DCC: variants seen among roughly 807,000 people sequenced by gnomAD.
DCC encodes DCC netrin 1 receptor.
Under a neutral mutation model 172.5 loss-of-function variants are expected in DCC, and 58 were observed. The observed-to-expected ratio is 0.34, with a 90% CI of 0.27 to 0.42. The LOEUF (loss-of-function observed/expected upper bound fraction) is 0.42. DCC is among the 10% of genes least tolerant of loss of function. DCC has a pLI of 1.00. For synonymous variants in DCC, 709 were observed against 644.5 expected, an observed-to-expected ratio of 1.10 and a Z score of -1.52; for missense variants, 1,740 against 1,791.0, an observed-to-expected ratio of 0.97 and a Z score of 0.51.
At chr18:53,303,415 A>G (rs1640897903) in intron 12 of DCC, among the ~76,000 whole-genome samples, 1 of 152,066 alleles carries the variant, frequency 6.6e-6, no homozygotes, top group South Asian at 2.1e-4. Flanking sequence ...CTTCTTATGT[A>G]TTACTTTTTC....
chr18:52,793,662 A>C (rs751534233), intron 2 of DCC, among the ~76,000 whole-genome samples: 12 of 152,032 alleles, frequency 7.9e-5, no homozygotes, highest in Non-Finnish European at 1.5e-4. Flanking sequence ...TCATGTATCT[A>C]TTTTGGTTTT....
chr18:53,098,674 C>A (rs896750381), intron 7 of DCC, among the ~76,000 whole-genome samples: 6 of 152,098 alleles, frequency 3.9e-5, no homozygotes, highest in African/African-American at 1.4e-4. Flanking sequence ...ATGGTTACTG[C>A]CAGATTTCCC....
chr18:52,807,664 A>AAT (rs1392131788), intron 2 of DCC, among the ~76,000 whole-genome samples: 1 of 125,310 alleles, frequency 8.0e-6, no homozygotes. Context: ...GTCTAAAATA[A>AAT]ATCAATTCCA....
At chr18:53,169,388 CTT>C (rs1598869866) in intron 8 of DCC, among the ~76,000 whole-genome samples, 1 of 152,148 alleles carries the variant, frequency 6.6e-6, no homozygotes, top group African/African-American at 2.4e-5. Context: ...TGTCTACAGA[CTT>C]TTTAGCATGA....
chr18:52,633,115 C>T (rs1007227853), intron 1 of DCC, among the ~76,000 whole-genome samples: 25 of 74,120 alleles, frequency 3.4e-4, no homozygotes, highest in African/African-American at 8.6e-4. Context: ...TCTCTTTCTT[C>T]CTTTCCTTTC....
At chr18:53,395,035 A>C (rs1274048833) in intron 17 of DCC, among the ~76,000 whole-genome samples, 1 of 151,984 alleles carries the variant, frequency 6.6e-6, no homozygotes, top group African/African-American at 2.4e-5. Context: ...CTGTAATCCC[A>C]GCTACTTGGG....
intron 12 of DCC, among the ~76,000 whole-genome samples, chr18:53,301,728 A>T (rs2057144225): frequency 6.6e-6 from 1 of 151,762 alleles, no homozygotes; most frequent in Non-Finnish European, 1.5e-5. Flanking sequence ...GTTTATTTTT[A>T]TGTCAGGATT....
intron 1 of DCC, among the ~76,000 whole-genome samples, chr18:52,570,585 G>C (rs2033270233): frequency 6.6e-6 from 1 of 152,154 alleles, no homozygotes; most frequent in South Asian, 2.1e-4. Context: ...AATATCAAAA[G>C]TGAAAACAAA....
chr18:52,527,287 T>C (rs2032011968), intron 1 of DCC, among the ~76,000 whole-genome samples: 1 of 152,240 alleles, frequency 6.6e-6, no homozygotes, highest in African/African-American at 2.4e-5. Flanking sequence ...CTACAGGCAA[T>C]GTGATTAGAA....
chr18:53,074,016 A>G (rs1468140807), intron 7 of DCC, among the ~76,000 whole-genome samples: 1 of 152,122 alleles, frequency 6.6e-6, no homozygotes. Context: ...TAATTAGTTC[A>G]ATTATTAAGA....
intron 14 of DCC, among the ~76,000 whole-genome samples, chr18:53,336,842 A>G (rs10469022): frequency 0.15 from 22,832 of 152,210 alleles, 2,302 homozygotes; most frequent in African/African-American, 0.29. Flanking sequence ...CACCACTGCA[A>G]TCCAGCCTGG....
intron 12 of DCC, among the ~76,000 whole-genome samples, chr18:53,236,673 C>T (rs967128049): frequency 6.6e-6 from 1 of 151,856 alleles, no homozygotes; most frequent in Non-Finnish European, 1.5e-5. Context: ...TTTGTTTACC[C>T]CAAGGTATAA....
chr18:52,536,214 T>C (rs1304980184), intron 1 of DCC, among the ~76,000 whole-genome samples: 2 of 151,978 alleles, frequency 1.3e-5, no homozygotes, highest in African/African-American at 4.8e-5. Flanking sequence ...CGGAGCCAGA[T>C]TGTAAAAGGT....
chr18:53,112,156 T>C (rs1327148616), intron 7 of DCC, among the ~76,000 whole-genome samples: 1 of 151,442 alleles, frequency 6.6e-6, no homozygotes, highest in African/African-American at 2.4e-5. Context: ...ATTTAGGAGA[T>C]GTTATACCAA....
intron 7 of DCC, among the ~76,000 whole-genome samples, chr18:53,122,738 T>A (rs554674329): frequency 1.3e-5 from 2 of 152,156 alleles, no homozygotes; most frequent in African/African-American, 4.8e-5. Context: ...GGAATTAACA[T>A]GATGGTTATT....
chr18:52,740,121 G>T (rs2145111795), intron 1 of DCC, among the ~76,000 whole-genome samples: 1 of 152,272 alleles, frequency 6.6e-6, no homozygotes, highest in Non-Finnish European at 1.5e-5. Context: ...ATTAGACCAT[G>T]AATAAGTTGC....
chr18:53,356,201 T>G (rs1232634419), intron 15 of DCC, among the ~76,000 whole-genome samples: 2 of 152,092 alleles, frequency 1.3e-5, no homozygotes, highest in African/African-American at 4.8e-5. Context: ...ATTTCCAGTG[T>G]GAGCTATGCA....
chr18:53,428,319 A>ATAGT (rs1568125740), intron 21 of DCC, among the ~76,000 whole-genome samples: 2 of 16,688 alleles, frequency 1.2e-4, no homozygotes, highest in African/African-American at 2.5e-4. Flanking sequence ...TATAATATAT[A>ATAGT]ATATAATATA....
intron 2 of DCC, among the ~76,000 whole-genome samples, chr18:52,815,823 G>C (rs2038286681): frequency 6.6e-6 from 1 of 152,118 alleles, no homozygotes; most frequent in Non-Finnish European, 1.5e-5. Context: ...TCTTGCAAAA[G>C]ACATCGACAA....
Sources: gnomAD v4.1 joint callset for allele counts (sites outside exome capture counted in the v4.1 genomes callset) on GRCh38, gnomAD v4.1.1 for gene constraint, MANE v1.5 for transcripts, NCBI Gene and HGNC (gene_info 2026-07-23, HGNC 2026-07-21) for gene names.